Variants in PBX1 observed in about 807,000 individuals in gnomAD.
PBX1 encodes the protein PBX homeobox 1.
Under a neutral mutation model 53.4 loss-of-function variants are expected in PBX1, and 6 were observed. The observed-to-expected ratio is 0.11, with a 90% CI of 0.06 to 0.22. The LOEUF (loss-of-function observed/expected upper bound fraction) is 0.22, where lower values mean the gene tolerates loss of function less well. Among genes scored for constraint, PBX1 ranks in the 10% least tolerant of loss-of-function variants. The pLI is 1.00. For missense variants in PBX1, 251 were observed against 551.4 expected (o/e 0.46, Z 5.46); for synonymous variants, 204 against 212.3 (o/e 0.96, Z 0.34).
chr1:164,688,900 T>C (rs1662283814), intron 2 of PBX1, among the ~76,000 whole-genome samples: 1 of 152,232 alleles, frequency 6.6e-6, no homozygotes, highest in South Asian at 2.1e-4. Context: ...CATGTCACTA[T>C]TTGACTAAGG....
intron 2 of PBX1, among the ~76,000 whole-genome samples, chr1:164,608,111 A>G (rs1239795596): frequency 6.6e-6 from 1 of 152,152 alleles, no homozygotes; most frequent in Non-Finnish European, 1.5e-5. Context: ...GTGATTTCTG[A>G]TTAGTGATTT....
In PBX1 at chr1:164,883,120, A is replaced by G. The variant is rs547599945; in HGVS notation, n.258-16068A>G. 5.3e-5 allele frequency among the ~76,000 whole-genome samples: 8 copies of G among 152,348 alleles called. No individual in the cohort carries two copies. In the South Asian group the frequency reaches 1.5e-3, roughly 28 times the overall value. On this transcript the variant is annotated intron_variant and non_coding_transcript_variant, in intron 2 of 2. Coordinates refer to the PBX1 transcript ENST00000558796. ...AAAATCTTGCTAGAGAATCTATTCTAAAAGACTTTAGTTAAAAACATCAAG... is the reference window on the plus strand; with the variant it reads ...AAAATCTTGCTAGAGAATCTATTCTGAAAGACTTTAGTTAAAAACATCAAG...
chr1:164,709,257 G>A (rs1284144803), intron 2 of PBX1, among the ~76,000 whole-genome samples: 3 of 152,194 alleles, frequency 2.0e-5, no homozygotes, highest in African/African-American at 7.2e-5. Context: ...AAGCTGATCA[G>A]CAGAAGGTGG....
At chr1:164,601,649 C>A (rs1656186834) in intron 2 of PBX1, among the ~76,000 whole-genome samples, 1 of 152,148 alleles carries the variant, frequency 6.6e-6, no homozygotes, top group Admixed American at 6.5e-5. Flanking sequence ...TTGCATCTCA[C>A]CTGTTCCACG....
At chr1:164,779,802 C>T (rs1248417692) in intron 2 of PBX1, among the ~76,000 whole-genome samples, 1 of 152,122 alleles carries the variant, frequency 6.6e-6, no homozygotes, top group African/African-American at 2.4e-5. Flanking sequence ...CTACGAAGGG[C>T]CATGCTAATG....
chr1:164,575,782 G>A (rs992199216), intron 2 of PBX1, among the ~76,000 whole-genome samples: 5 of 151,944 alleles, frequency 3.3e-5, no homozygotes, highest in Non-Finnish European at 7.4e-5. Context: ...TAAAAACAAA[G>A]AGCGGGTAAC....
At position 164,846,969 on chromosome 1, in the gene PBX1, G is replaced by T. The variant is rs1671604566; in HGVS notation, c.*293G>T. On this transcript the variant is annotated 3_prime_UTR_variant, in exon 9 of 9. Transcript: ENST00000420696. ...TGTGCCTCTGTCCTAGACTCCCGGGGTCCCCGCCCTCTCTCATATCACTGA... is the reference window on the plus strand; with the variant it reads ...TGTGCCTCTGTCCTAGACTCCCGGGTTCCCCGCCCTCTCTCATATCACTGA... The T allele has an allele frequency of 8.1e-7, 1 of 1,235,306 alleles. No homozygotes were observed. The highest frequency in any genetic ancestry group is 3.6e-5 in the Admixed American group (1 of 28,028). 76.5% of individuals were successfully genotyped at this position (1,235,306 alleles called of 1,614,324 possible). A position where few individuals can be genotyped will look rare whatever the true frequency, so the allele number is the denominator to read the frequency against.
rs536960009 is a variant in PBX1 at position 164,598,059 on chromosome 1, G to A, written c.265+34748G>A. On this transcript the variant is annotated intron_variant, in intron 2 of 8. Transcript: ENST00000420696. ...AGGGCCTTCTTGGTAACATGGTGGA[G>A]TTCATCACATGGTGAGAGGGCAGGA... Among the ~76,000 whole-genome samples, 634 of 152,226 alleles carry A rather than the reference G, an allele frequency of 4.2e-3. 2 individuals carry two copies. Among genetic ancestry groups the A allele is most frequent in the African/African-American group, 0.015 (611 of 41,554 alleles).
chr1:164,586,881 A>G (rs1166116079), intron 2 of PBX1, among the ~76,000 whole-genome samples: 1 of 152,174 alleles, frequency 6.6e-6, no homozygotes, highest in African/African-American at 2.4e-5. Context: ...TTATCCGCAG[A>G]GGGAACTTGA....
At chr1:164,752,106 T>G (rs1442588204) in intron 2 of PBX1, among the ~76,000 whole-genome samples, 2 of 151,944 alleles carry the variant, frequency 1.3e-5, no homozygotes, top group African/African-American at 4.8e-5. Context: ...CCAACACTAT[T>G]TCCTTTCAAA....
intron 2 of PBX1, among the ~76,000 whole-genome samples, chr1:164,874,305 C>T (rs904056792): frequency 6.6e-6 from 1 of 152,186 alleles, no homozygotes; most frequent in African/African-American, 2.4e-5. Context: ...TGAGACTTCG[C>T]TTCGCCATTT....
At chr1:164,763,463 G>A (rs1316476495) in intron 2 of PBX1, among the ~76,000 whole-genome samples, 1 of 152,166 alleles carries the variant, frequency 6.6e-6, no homozygotes, top group East Asian at 1.9e-4. Context: ...TTAGTATTAC[G>A]ACTACATTTA....
At chr1:164,693,190 A>G (rs1199239995) in intron 2 of PBX1, among the ~76,000 whole-genome samples, 3 of 152,214 alleles carry the variant, frequency 2.0e-5, no homozygotes, top group Admixed American at 6.5e-5. Flanking sequence ...CAGAGTTTGG[A>G]TGTACAAGAT....
chr1:164,692,476 A>G (rs1662547375), intron 2 of PBX1, among the ~76,000 whole-genome samples: 1 of 152,172 alleles, frequency 6.6e-6, no homozygotes. Context: ...CCCCTTATAG[A>G]TAACACAACC....
At chr1:164,816,177 A>G (rs1669870694) in intron 6 of PBX1, 1 of 152,214 alleles carries the variant, frequency 6.6e-6, no homozygotes, top group Non-Finnish European at 1.5e-5. Context: ...TACAACCTTG[A>G]GATACATACC....
intron 5 of PBX1, among the ~76,000 whole-genome samples, chr1:164,808,986 C>T (rs1038412203): frequency 6.6e-6 from 1 of 152,066 alleles, no homozygotes; most frequent in Non-Finnish European, 1.5e-5. Flanking sequence ...AGGGCTGTCA[C>T]CATTCTTATC....
chr1:164,808,226 C>T (rs1440076985), intron 5 of PBX1, among the ~76,000 whole-genome samples: 1 of 152,142 alleles, frequency 6.6e-6, no homozygotes, highest in East Asian at 1.9e-4. Flanking sequence ...TCACTGAATG[C>T]CCCCTTCCCC....
At chr1:164,783,394 G>A (rs771147978) in intron 2 of PBX1, among the ~76,000 whole-genome samples, 1 of 152,008 alleles carries the variant, frequency 6.6e-6, no homozygotes, top group African/African-American at 2.4e-5. Flanking sequence ...GGGGGTGTCT[G>A]TGTGCATTTG....
At chr1:164,752,099 A>G (rs1344818408) in intron 2 of PBX1, among the ~76,000 whole-genome samples, 1 of 152,034 alleles carries the variant, frequency 6.6e-6, no homozygotes, top group African/African-American at 2.4e-5. Context: ...AAAGTCACCA[A>G]CACTATTTCC....
Sources: gnomAD v4.1 joint callset for allele counts (sites outside exome capture counted in the v4.1 genomes callset) on GRCh38, gnomAD v4.1.1 for gene constraint, MANE v1.5 for transcripts, NCBI Gene and HGNC (gene_info 2026-07-23, HGNC 2026-07-21) for gene names.